Variants in CDK18 observed in about 807,000 individuals in gnomAD.
The protein encoded by CDK18 is cyclin-dependent kinase 18.
A neutral mutation model predicts 62.0 loss-of-function variants in CDK18; 52 were observed. The ratio of observed to expected loss-of-function variants is 0.84; its 90% CI spans 0.67 to 1.06. The LOEUF is 1.06. Among genes scored for constraint, CDK18 ranks in the 50% least tolerant of loss-of-function variants. The pLI is 0.00. For synonymous variants in CDK18, 237 were observed against 247.0 expected (o/e 0.96, Z 0.38); for missense variants, 604 against 619.9 (o/e 0.97, Z 0.27).
chr1:205,526,595 C>T (rs923163023), intron 7 of CDK18, 134 bp downstream of exon 7: 15 of 939,196 alleles, frequency 1.6e-5, no homozygotes, highest in Non-Finnish European at 2.4e-5. Context: ...ATCAGATTTT[C>T]AGATGCTCCC....
At chr1:205,520,569 G>A (rs577480265) in intron 1 of CDK18, among the ~76,000 whole-genome samples, 2 of 152,034 alleles carry the variant, frequency 1.3e-5, no homozygotes, top group South Asian at 4.2e-4. Flanking sequence ...GTGTGGTGGC[G>A]CGGGCCTGTA....
Position 205,527,491 on chromosome 1 carries a change from A to T in CDK18, c.730-303A>T. ...AAAACCCTGACTCTAAAAGAAAAAA[A>T]AAAAAAAAAGGGATCAAGCACATAT... is the stretch of plus-strand genomic sequence containing the variant. On this transcript the variant is annotated intron_variant, in intron 8 of 15. Coordinates refer to ENST00000429964, the MANE Select transcript of CDK18 (RefSeq NM_212502.3). This position sits in a 1 kb window ranked among gnomAD's most constrained non-coding sequence, Gnocchi z 4.1. The T allele has an allele frequency of 3.5e-6, 1 of 285,402 alleles. No homozygotes were observed. The highest frequency in any genetic ancestry group is 6.6e-6 in the Non-Finnish European group (1 of 150,726). 17.7% of individuals were successfully genotyped at this position (285,402 alleles called of 1,614,324 possible).
Position 205,528,311 on chromosome 1 carries a change from T to A in CDK18, c.974+143T>A. 1 of 1,006,224 alleles carries A rather than the reference T, an allele frequency of 9.9e-7. No individual in the cohort carries two copies. Among genetic ancestry groups the A allele is most frequent in the Admixed American group, 2.7e-5 (1 of 36,876 alleles). The allele number at this position is 1,006,224 out of a possible 1,614,324, so 62.3% of individuals were successfully genotyped here. ...CCTTGTGACATCCTGCTGAAATGGA[T>A]GTTAAAAAATTAGGTCTGAAATATA... On this transcript the variant is annotated intron_variant, in intron 10 of 15. Coordinates refer to ENST00000429964, the MANE Select transcript of CDK18 (RefSeq NM_212502.3). The surrounding 1 kb of genome is among the most constrained non-coding windows in gnomAD (Gnocchi z 4.2).
At chr1:205,523,043 A>G (rs1401597126) in intron 1 of CDK18, 104 bp from the exon 2 acceptor site, 1 of 1,281,284 alleles carries the variant, frequency 7.8e-7, no homozygotes. Flanking sequence ...ATGGTGGCAT[A>G]CAGGGCGACA....
intron 1 of CDK18, among the ~76,000 whole-genome samples, chr1:205,505,874 A>ATCT (rs1667281216): frequency 6.6e-6 from 1 of 152,082 alleles, no homozygotes; most frequent in Admixed American, 6.5e-5. Flanking sequence ...CTTCCGCGCT[A>ATCT]TCTGCTACTG....
At position 205,527,825 on chromosome 1, in the gene CDK18, C is replaced by T; in HGVS notation, c.761C>T (p.Ala254Val). 2.5e-6 allele frequency: 4 copies of T among 1,613,998 alleles called. No individual in the cohort carries two copies. Among genetic ancestry groups the T allele is most frequent in the African/African-American group, 1.3e-5 (1 of 75,012 alleles). Residue 254 changes from alanine to valine, a missense_variant, in exon 9 of 16, where the codon GCC becomes GTC. By Grantham distance (64) the Ala-to-Val change is moderately conservative. Transcript: ENST00000429964. The surrounding 1 kb of genome is among the most constrained non-coding windows in gnomAD (Gnocchi z 4.1). Reference sequence around the variant, plus strand: ...ATGTTCCAGCTGCTCCGGGGCCTCGCCTACTGTCACCACCGCAAGATCCTG... The same window carrying T: ...ATGTTCCAGCTGCTCCGGGGCCTCGTCTACTGTCACCACCGCAAGATCCTG... ...IFMFQLLRGL[A>V]YCHHRKILHR...
rs566139433 is a variant in CDK18 at position 205,529,278 on chromosome 1, C to G, written c.1073-46C>G. On this transcript the variant is annotated intron_variant, in intron 11 of 15. Coordinates refer to ENST00000429964, the MANE Select transcript of CDK18 (RefSeq NM_212502.3). The stretch of plus-strand genomic sequence containing the variant: ...TGCATCCCTTTCAAGTCGGCCTTGG[C>G]CCTGGGCCTCACGCAGGCCCTCCCC... 5 of 1,553,154 alleles carry G rather than the reference C, an allele frequency of 3.2e-6. No individual in the cohort carries two copies. The African/African-American group carries it at 6.8e-5, about 21-fold the overall frequency.
At position 205,530,275 on chromosome 1, in the gene CDK18, G is replaced by T. The variant is rs780876317; in HGVS notation, c.1238G>T (p.Arg413Leu). 9.9e-6 allele frequency: 16 copies of T among 1,612,772 alleles called. No individual in the cohort carries two copies. The highest frequency in any genetic ancestry group is 1.4e-5 in the Non-Finnish European group (16 of 1,180,044). Residue 413 changes from arginine to leucine, a missense_variant, in exon 14 of 16, where the codon CGC becomes CTC. Transcript: ENST00000429964. ...SSLLLYESKS[R>L]MSAEAALSHS... ...GCCTTTCAGTATGAATCCAAGAGTC[G>T]CATGTCAGCAGAGGCTGCCCTGAGT...
intron 1 of CDK18, among the ~76,000 whole-genome samples, chr1:205,507,633 C>CAAAAAAAAAA (rs56313401): frequency 1.4e-5 from 1 of 72,196 alleles, no homozygotes; most frequent in Non-Finnish European, 2.5e-5. Context: ...GACTCCGTCT[C>CAAAAAAAAAA]AAAAAAAAAA....
chr1:205,523,676 G>T (rs1291638085), intron 3 of CDK18, 51 bp downstream of exon 3: 1 of 1,533,282 alleles, frequency 6.5e-7, no homozygotes, highest in Non-Finnish European at 8.8e-7. Context: ...GCACGCACAA[G>T]GGTGTGCACA....
In CDK18 at chr1:205,529,336, A is replaced by T; in HGVS notation, c.1085A>T (p.Glu362Val). 5 of 1,613,694 alleles carry T rather than the reference A, an allele frequency of 3.1e-6. No homozygotes were observed. Among genetic ancestry groups the T allele is most frequent in the Non-Finnish European group, 3.4e-6 (4 of 1,179,788 alleles). Residue 362 changes from glutamate to valine, a missense_variant, in exon 12 of 16, where the codon GAA becomes GTA. Physicochemically the swap from Glu to Val is moderately radical, Grantham distance 121 (BLOSUM62 -2). Coordinates refer to ENST00000429964, the MANE Select transcript of CDK18 (RefSeq NM_212502.3). The stretch of plus-strand genomic sequence containing the variant: ...CTCGTCTCCCCAGGGACCCCCACAG[A>T]AGAGACGTGGCCCGGCGTGACCGCC... ...LIFRLLGTPT[E>V]ETWPGVTAFS...
At position 205,523,511 on chromosome 1, in the gene CDK18, C is replaced by G. The variant is rs182526430; in HGVS notation, c.159C>G (p.Asp53Glu). 6.2e-7 allele frequency: 1 copy of G among 1,604,458 alleles called. No individual in the cohort carries two copies. Among genetic ancestry groups the G allele is most frequent in the Non-Finnish European group, 8.5e-7 (1 of 1,175,960 alleles). The change falls in exon 3 of 16, where the codon GAC becomes GAG. Residue 53 changes from aspartate (D) to glutamate (E), a missense_variant. Physicochemically the swap from Asp to Glu is conservative, Grantham distance 45. Transcript: ENST00000429964. ...TGCAGCTCGGTCCTCTTGGCAGAGACCCCCCGCAGGAGTGCAGCACCTTCT... is the reference window on the plus strand; with the variant it reads ...TGCAGCTCGGTCCTCTTGGCAGAGAGCCCCCGCAGGAGTGCAGCACCTTCT... ...ENLQLGPLGRDPPQECSTFSP... is the reference protein window; with the variant it reads ...ENLQLGPLGREPPQECSTFSP...
chr1:205,514,222 T>C (rs1348919138), intron 1 of CDK18, among the ~76,000 whole-genome samples: 2 of 152,314 alleles, frequency 1.3e-5, no homozygotes, highest in East Asian at 3.9e-4. Flanking sequence ...CTGGGGACAG[T>C]GGAGTTTCGG....
chr1:205,529,387 T>G lies in CDK18; in HGVS notation c.1136T>G (p.Phe379Cys), dbSNP rs761479172. Residue 379 changes from phenylalanine to cysteine, a missense_variant, in exon 12 of 16, where the codon TTC (phenylalanine) becomes TGC (cysteine). Coordinates refer to ENST00000429964, the MANE Select transcript of CDK18 (RefSeq NM_212502.3). ...TAFSEFRTYS[F>C]PCYLPQPLIN... The stretch of plus-strand genomic sequence containing the variant: ...TTCTCTGAGTTCCGCACCTACAGCT[T>G]CCCCTGCTACCTCCCGCAGCCGCTC... 6 of 1,613,844 alleles carry G rather than the reference T, an allele frequency of 3.7e-6. No homozygotes were observed. The African/African-American group carries it at 8.0e-5, about 22-fold the overall frequency.
rs949672280 is a variant in CDK18 at position 205,527,336 on chromosome 1, G to T, written c.730-458G>T. The T allele has an allele frequency of 9.5e-6, 2 of 210,882 alleles. No homozygotes were observed. Among genetic ancestry groups the T allele is most frequent in the Non-Finnish European group, 1.9e-5 (2 of 104,442 alleles). 13.1% of individuals were successfully genotyped at this position (210,882 alleles called of 1,614,324 possible). ...TCTACTAAAAATTGAAAAATTAGCCGGGCACAGTAGCGTGCACCCATAGTC... is the reference window on the plus strand; with the variant it reads ...TCTACTAAAAATTGAAAAATTAGCCTGGCACAGTAGCGTGCACCCATAGTC... On this transcript the variant is annotated intron_variant, in intron 8 of 15. Coordinates refer to ENST00000429964, the MANE Select transcript of CDK18 (RefSeq NM_212502.3). This position sits in a 1 kb window ranked among gnomAD's most constrained non-coding sequence, Gnocchi z 4.1.
In CDK18 at chr1:205,526,770, T is replaced by C; in HGVS notation, c.667-5T>C. 1 of 1,613,800 alleles carries C rather than the reference T, an allele frequency of 6.2e-7. No homozygotes were observed. Among genetic ancestry groups the C allele is most frequent in the Non-Finnish European group, 8.5e-7 (1 of 1,179,658 alleles). ...GGCAGGACTGAGCCACGCTCTGTGT[T>C]CCAGGACAGTGACCTGAAGCAGTAT... On this transcript the variant is annotated splice_region_variant and splice_polypyrimidine_tract_variant and intron_variant, in intron 7 of 15. Transcript: ENST00000429964.
chr1:205,515,546 T>A (rs1319023985), intron 1 of CDK18, among the ~76,000 whole-genome samples: 1 of 152,192 alleles, frequency 6.6e-6, no homozygotes, highest in African/African-American at 2.4e-5. Flanking sequence ...TCTAGGACGC[T>A]GATGGCAGTT....
rs1003583003 is a variant in CDK18 at position 205,531,655 on chromosome 1, G to A, written c.*277G>A. 9 of 459,894 alleles carry A rather than the reference G, an allele frequency of 2.0e-5. No individual in the cohort carries two copies. Among genetic ancestry groups the A allele is most frequent in the African/African-American group, 8.0e-5 (4 of 50,214 alleles). 28.5% of individuals were successfully genotyped at this position (459,894 alleles called of 1,614,324 possible). On this transcript the variant is annotated 3_prime_UTR_variant, in exon 16 of 16. Transcript: ENST00000429964. ...AGGACATGAGGGGGGGGCGGTCCTC[G>A]TACCCTCTCCCACCCTGGTGTTTGG...
chr1:205,529,797 A>G (rs1461160512), intron 13 of CDK18: 1 of 1,450,054 alleles, frequency 6.9e-7, no homozygotes. Context: ...GGCAAGTTAC[A>G]GAGCTCCTCC....
Sources: allele counts gnomAD v4.1 joint callset (sites outside exome capture counted in the v4.1 genomes callset), GRCh38; gene constraint gnomAD v4.1.1; non-coding constraint Gnocchi (gnomAD v3.1); transcripts MANE v1.5; gene names NCBI Gene and HGNC (gene_info 2026-07-23, HGNC 2026-07-21).